The following GPHN variants were observed in gnomAD, a reference collection of about 807,000 sequenced individuals.
GPHN encodes the protein gephyrin.
Under a neutral mutation model 95.5 loss-of-function variants are expected in GPHN, and 17 were observed. The ratio of observed to expected loss-of-function variants is 0.18; its 90% CI spans 0.12 to 0.27. GPHN has a LOEUF of 0.27. Ranked by LOEUF, GPHN falls within the 10% of genes least tolerant of loss-of-function variation. GPHN has a pLI of 1.00. For synonymous variants in GPHN, 320 were observed against 322.5 expected, an observed-to-expected ratio of 0.99 and a Z score of 0.08; for missense variants, 660 against 978.1, an observed-to-expected ratio of 0.67 and a Z score of 4.34.
At chr14:67,620,749 C>A in the GPHN span, 2 of 741,246 alleles carry the variant, frequency 2.7e-6, no homozygotes, top group Non-Finnish European at 4.5e-6. Flanking sequence ...GTGATTCCAA[C>A]AATGGAGTTG....
chr14:67,574,462 G>A, the GPHN span: 1 of 1,360,260 alleles, frequency 7.4e-7, no homozygotes, highest in Admixed American at 3.1e-5. The surrounding 1 kb of genome is among the most constrained non-coding windows in gnomAD (Gnocchi z 4.2). Context: ...GGGGAGCCAG[G>A]ATTGGGGTGC....
chr14:67,290,466 G>C, the GPHN span, among the ~76,000 whole-genome samples: 4 of 152,094 alleles, frequency 2.6e-5, no homozygotes, highest in Non-Finnish European at 1.5e-5. Context: ...GCAGTAGCGT[G>C]ATCATGGCCC....
At chr14:67,224,186 A>G in the GPHN span, among the ~76,000 whole-genome samples, 12 of 151,866 alleles carry the variant, frequency 7.9e-5, no homozygotes, top group South Asian at 2.5e-3. Flanking sequence ...CACTGTTTTT[A>G]TGACAACTTT....
At chr14:67,444,391 G>A in the GPHN span, among the ~76,000 whole-genome samples, 2 of 152,204 alleles carry the variant, frequency 1.3e-5, no homozygotes, top group Admixed American at 1.3e-4. Context: ...TCTGGTAAGT[G>A]TGATGAAGTA....
At chr14:67,505,003 T>C in the GPHN span, among the ~76,000 whole-genome samples, 2 of 152,166 alleles carry the variant, frequency 1.3e-5, no homozygotes, top group Non-Finnish European at 2.9e-5. Flanking sequence ...TTTTTTAAAG[T>C]TTTAAAACAT....
chr14:67,436,793 C>T, the GPHN span, among the ~76,000 whole-genome samples: 3 of 152,272 alleles, frequency 2.0e-5, no homozygotes, highest in African/African-American at 4.8e-5. Context: ...CTGTGGCTCA[C>T]GCTTGTCATC....
the GPHN span, among the ~76,000 whole-genome samples, chr14:67,670,203 G>A: frequency 6.6e-6 from 1 of 152,132 alleles, no homozygotes; most frequent in African/African-American, 2.4e-5. Context: ...AGCCATTAAT[G>A]CCCTCCTTCT....
At chr14:67,719,460 A>T in the GPHN span, among the ~76,000 whole-genome samples, 1 of 152,050 alleles carries the variant, frequency 6.6e-6, no homozygotes, top group Non-Finnish European at 1.5e-5. Context: ...TTTTTGCTGA[A>T]AAGTTTATTT....
intron 1 of GPHN, among the ~76,000 whole-genome samples, chr14:66,585,539 T>G (rs2061385344): frequency 6.6e-6 from 1 of 152,180 alleles, no homozygotes; most frequent in Non-Finnish European, 1.5e-5. Context: ...GCTATAAATT[T>G]CCCTCTACAC....
In GPHN at chr14:67,181,023, C is replaced by G; in HGVS notation, c.*86C>G. ...TATGCAACGGCACAGCTAGTTTTCC[C>G]GATTTGGATAAAAGTTGATCTGTAT... On this transcript the variant is annotated 3_prime_UTR_variant, in exon 23 of 23. Coordinates refer to ENST00000478722, the MANE Select transcript of GPHN (RefSeq NM_020806.5). 1 of 1,315,662 alleles carries G rather than the reference C, an allele frequency of 7.6e-7. No homozygotes were observed. 81.5% of individuals were successfully genotyped at this position (1,315,662 alleles called of 1,614,324 possible). A position where few individuals can be genotyped will look rare whatever the true frequency, so the allele number is the denominator to read the frequency against.
At chr14:67,025,451 T>C (rs2073876704) in intron 10 of GPHN, among the ~76,000 whole-genome samples, 1 of 152,206 alleles carries the variant, frequency 6.6e-6, no homozygotes, top group African/African-American at 2.4e-5. Context: ...CCTTGTTCTC[T>C]TTCTGTTTTG....
At chr14:66,655,251 T>C (rs1191514760) in intron 1 of GPHN, among the ~76,000 whole-genome samples, 1 of 152,194 alleles carries the variant, frequency 6.6e-6, no homozygotes, top group Non-Finnish European at 1.5e-5. Context: ...TCTGTTATTC[T>C]GTATATTTAT....
At position 67,165,144 on chromosome 14, in the gene GPHN, A is replaced by G. The variant is rs2082201850; in HGVS notation, c.1911-18A>G. The G allele has an allele frequency of 1.3e-6, 2 of 1,574,418 alleles. No homozygotes were observed. The highest frequency in any genetic ancestry group is 1.1e-5 in the South Asian group (1 of 90,306). On this transcript the variant is annotated intron_variant, in intron 19 of 22. Coordinates refer to ENST00000478722, the MANE Select transcript of GPHN (RefSeq NM_020806.5). ...ATTGCTTAGCAATCACTAACAAGTG[A>G]CTCTTTTTTTCTTCTAGCTTGCCAA...
chr14:66,729,509 G>A (rs1034135055), intron 2 of GPHN, among the ~76,000 whole-genome samples: 23 of 152,068 alleles, frequency 1.5e-4, no homozygotes, highest in African/African-American at 5.1e-4. Context: ...AGCGATCTAC[G>A]AGTAGTTGCC....
the GPHN span, among the ~76,000 whole-genome samples, chr14:67,408,393 G>A: frequency 1.6e-4 from 24 of 152,002 alleles, no homozygotes; most frequent in African/African-American, 5.3e-4. Flanking sequence ...TACTTGCTAT[G>A]GGTTGAATTG....
chr14:67,552,854 T>C, the GPHN span, among the ~76,000 whole-genome samples: 1 of 152,166 alleles, frequency 6.6e-6, no homozygotes. Context: ...GACCCAGGGC[T>C]GGGAGGATAC....
chr14:67,171,322 ATCT>A (rs991786103), intron 21 of GPHN, among the ~76,000 whole-genome samples: 25 of 152,092 alleles, frequency 1.6e-4, no homozygotes, highest in Non-Finnish European at 2.9e-4. Context: ...GGAGGTGAAA[ATCT>A]TCTCATTTTC....
intron 2 of GPHN, among the ~76,000 whole-genome samples, chr14:66,681,848 T>TA (rs529332653): frequency 5.9e-5 from 9 of 151,368 alleles, no homozygotes; most frequent in South Asian, 4.2e-4. Flanking sequence ...CACTGTTTAT[T>TA]AAAAAAAAAT....
the GPHN span, chr14:67,450,133 C>G: frequency 6.6e-6 from 1 of 151,980 alleles, no homozygotes; most frequent in Non-Finnish European, 1.5e-5. Flanking sequence ...TGCCTGCTGC[C>G]GTCCATGTAA....
Sources: allele counts gnomAD v4.1 joint callset (sites outside exome capture counted in the v4.1 genomes callset), GRCh38; gene constraint gnomAD v4.1.1; non-coding constraint Gnocchi (gnomAD v3.1); transcripts MANE v1.5; gene names NCBI Gene and HGNC (gene_info 2026-07-23, HGNC 2026-07-21).